KCND2: variants seen among roughly 807,000 people sequenced by gnomAD.
KCND2 encodes potassium voltage-gated channel subfamily D member 2, also known as A-type voltage-gated potassium channel KCND2.
In KCND2, 16 loss-of-function variants were observed where a neutral mutation model predicts 54.4. That is an observed-to-expected ratio of 0.29 (90% CI 0.20 to 0.45). KCND2 has a LOEUF of 0.45. KCND2 is among the 20% of genes least tolerant of loss of function. KCND2 has a pLI of 1.00. For synonymous variants in KCND2, 317 were observed against 310.7 expected, an observed-to-expected ratio of 1.02 and a Z score of -0.21; for missense variants, 486 against 824.2, an observed-to-expected ratio of 0.59 and a Z score of 5.02.
intron 1 of KCND2, among the ~76,000 whole-genome samples, chr7:120,718,843 A>G (rs933437850): frequency 3.3e-5 from 5 of 152,188 alleles, no homozygotes; most frequent in Non-Finnish European, 7.4e-5. Flanking sequence ...GTTAGATCCC[A>G]TAGAGCAGGG....
chr7:120,371,922 G>A (rs148013488), intron 1 of KCND2, among the ~76,000 whole-genome samples: 66 of 151,966 alleles, frequency 4.3e-4, no homozygotes, highest in African/African-American at 1.4e-3. Context: ...TTCTCAGAAC[G>A]TATCCCTGGT....
At chr7:120,362,032 A>G (rs1800598763) in intron 1 of KCND2, among the ~76,000 whole-genome samples, 1 of 151,918 alleles carries the variant, frequency 6.6e-6, no homozygotes, top group Admixed American at 6.6e-5. Context: ...ATAATCTTTC[A>G]TTTTCTATAG....
intron 4 of KCND2, among the ~76,000 whole-genome samples, chr7:120,743,078 G>T (rs1792962170): frequency 6.6e-6 from 1 of 152,146 alleles, no homozygotes; most frequent in African/African-American, 2.4e-5. Context: ...ATAGATAATA[G>T]AAACTATTCT....
intron 1 of KCND2, among the ~76,000 whole-genome samples, chr7:120,448,020 A>T (rs1033101369): frequency 1.3e-5 from 2 of 152,154 alleles, no homozygotes; most frequent in African/African-American, 4.8e-5. Flanking sequence ...GACCCAAAAA[A>T]CCTTGATTTT....
chr7:120,377,316 T>C (rs182119002), intron 1 of KCND2, among the ~76,000 whole-genome samples: 1 of 152,088 alleles, frequency 6.6e-6, no homozygotes, highest in East Asian at 1.9e-4. Context: ...TTCCTTCATT[T>C]ACTGTGTGAA....
At chr7:120,315,010 A>G (rs946084103) in intron 1 of KCND2, among the ~76,000 whole-genome samples, 6 of 152,030 alleles carry the variant, frequency 3.9e-5, no homozygotes, top group Non-Finnish European at 5.9e-5. Flanking sequence ...ACACACATCT[A>G]TGGAAGATAT....
At chr7:120,363,787 C>A (rs1584747976) in intron 1 of KCND2, among the ~76,000 whole-genome samples, 1 of 152,234 alleles carries the variant, frequency 6.6e-6, no homozygotes, top group East Asian at 1.9e-4. Flanking sequence ...TCTTCTCCTA[C>A]CCTTACACTC....
intron 1 of KCND2, among the ~76,000 whole-genome samples, chr7:120,650,817 T>C (rs2116544309): frequency 6.9e-6 from 1 of 144,050 alleles, no homozygotes; most frequent in African/African-American, 2.7e-5. Context: ...TTCTGTTTGT[T>C]AGTTTTCCTT....
intron 1 of KCND2, among the ~76,000 whole-genome samples, chr7:120,731,917 G>A (rs1275126709): frequency 6.6e-6 from 1 of 152,116 alleles, no homozygotes; most frequent in Non-Finnish European, 1.5e-5. Context: ...GAATTGTGGG[G>A]GGAAAATATT....
At chr7:120,592,944 A>G in intron 1 of KCND2, among the ~76,000 whole-genome samples, 1 of 152,206 alleles carries the variant, frequency 6.6e-6, no homozygotes. Context: ...CCTGATAAAC[A>G]CTCTTCATGC....
At chr7:120,728,347 A>G (rs1473093028) in intron 1 of KCND2, among the ~76,000 whole-genome samples, 1 of 148,508 alleles carries the variant, frequency 6.7e-6, no homozygotes, top group Admixed American at 6.7e-5. Flanking sequence ...GCTGGAGTGC[A>G]ATGGCGCCAT....
intron 1 of KCND2, among the ~76,000 whole-genome samples, chr7:120,319,800 A>G (rs186147193): frequency 6.6e-6 from 1 of 152,146 alleles, no homozygotes; most frequent in African/African-American, 2.4e-5. Flanking sequence ...TTTGCCATCC[A>G]TTTAACATAG....
At chr7:120,374,617 AT>A (rs1800811020) in intron 1 of KCND2, among the ~76,000 whole-genome samples, 1 of 151,622 alleles carries the variant, frequency 6.6e-6, no homozygotes, top group South Asian at 2.1e-4. Flanking sequence ...TGCTTTAACG[AT>A]TTCCCGTTGA....
chr7:120,454,968 G>A (rs1032019848), intron 1 of KCND2, among the ~76,000 whole-genome samples: 1 of 152,038 alleles, frequency 6.6e-6, no homozygotes, highest in Admixed American at 6.6e-5. Flanking sequence ...TAGGAATACA[G>A]TTAACCAAGG....
At chr7:120,672,027 T>C (rs1350856842) in intron 1 of KCND2, among the ~76,000 whole-genome samples, 1 of 152,094 alleles carries the variant, frequency 6.6e-6, no homozygotes, top group Admixed American at 6.6e-5. Flanking sequence ...GCAGTCTTTA[T>C]CTCCTTCAAA....
rs1793050287 is a variant in KCND2 at position 120,749,852 on chromosome 7, T to C, written c.*1994T>C. ...GCAATGTCTAGTGAAACTTATCTGATGGCATTTATTGAAAACCTTCTAAAA... is the reference window on the plus strand; with the variant it reads ...GCAATGTCTAGTGAAACTTATCTGACGGCATTTATTGAAAACCTTCTAAAA... On this transcript the variant is annotated 3_prime_UTR_variant, in exon 6 of 6. Coordinates refer to ENST00000331113, the MANE Select transcript of KCND2 (RefSeq NM_012281.3). 6.6e-6 allele frequency: 1 copy of C among 151,984 alleles called. No homozygotes were observed. Among genetic ancestry groups the C allele is most frequent in the African/African-American group, 2.4e-5 (1 of 41,446 alleles). 9.4% of individuals were successfully genotyped at this position (151,984 alleles called of 1,614,324 possible).
intron 1 of KCND2, among the ~76,000 whole-genome samples, chr7:120,687,272 A>C (rs955838363): frequency 1.3e-5 from 2 of 152,114 alleles, no homozygotes; most frequent in Admixed American, 1.3e-4. Context: ...GCTGGGGGTT[A>C]AGGGGAGGAA....
chr7:120,499,720 A>G (rs1802905166), intron 1 of KCND2, among the ~76,000 whole-genome samples: 1 of 152,164 alleles, frequency 6.6e-6, no homozygotes, highest in Non-Finnish European at 1.5e-5. Flanking sequence ...TGTCATTGCC[A>G]AAATGTTTTA....
intron 1 of KCND2, among the ~76,000 whole-genome samples, chr7:120,612,783 T>C (rs1792972819): frequency 6.6e-6 from 1 of 152,192 alleles, no homozygotes; most frequent in Non-Finnish European, 1.5e-5. Context: ...ACTAAGAAAA[T>C]TGATACATTA....
Sources: gnomAD v4.1 joint callset for allele counts (sites outside exome capture counted in the v4.1 genomes callset) on GRCh38, gnomAD v4.1.1 for gene constraint, MANE v1.5 for transcripts, NCBI Gene and HGNC (gene_info 2026-07-23, HGNC 2026-07-21) for gene names.